Variants in XKR4 observed in about 807,000 individuals in gnomAD.
The protein encoded by XKR4 is XK related 4, also known as XK-related protein 4.
Under a neutral mutation model 53.9 loss-of-function variants are expected in XKR4, and 12 were observed. The observed-to-expected ratio is 0.22, with a 90% confidence interval of 0.14 to 0.36. The LOEUF is 0.36. Among genes scored for constraint, XKR4 ranks in the 10% least tolerant of loss-of-function variants. The pLI, the probability that XKR4 is intolerant of heterozygous loss-of-function variation, is 1.00. For missense variants in XKR4, 799 were observed against 859.5 expected, an observed-to-expected ratio of 0.93 and a Z score of 0.88; for synonymous variants, 354 against 362.4, an observed-to-expected ratio of 0.98 and a Z score of 0.26.
At chr8:55,476,099 A>C (rs1805980207) in intron 2 of XKR4, among the ~76,000 whole-genome samples, 1 of 152,016 alleles carries the variant, frequency 6.6e-6, no homozygotes, top group Non-Finnish European at 1.5e-5. Flanking sequence ...AAACATGCTG[A>C]TATCGGGATC....
intron 2 of XKR4, among the ~76,000 whole-genome samples, chr8:55,368,574 A>T (rs1221746609): frequency 3.3e-5 from 5 of 152,038 alleles, no homozygotes; most frequent in Non-Finnish European, 7.4e-5. Flanking sequence ...CCTAAAACAC[A>T]CAGCTCTCCC....
intron 1 of XKR4, among the ~76,000 whole-genome samples, chr8:55,112,576 T>TTTG (rs1228752483): frequency 1.4e-5 from 2 of 139,718 alleles, no homozygotes; most frequent in Non-Finnish European, 3.1e-5. Context: ...TTTTTTTTTT[T>TTTG]TTTTTTTTTT....
intron 2 of XKR4, among the ~76,000 whole-genome samples, chr8:55,438,834 AG>A (rs1805223007): frequency 6.6e-6 from 1 of 152,304 alleles, no homozygotes; most frequent in Non-Finnish European, 1.5e-5. Flanking sequence ...ACAACAGGAA[AG>A]CACTATCTGG....
At chr8:55,520,655 T>C (rs1204047154) in intron 2 of XKR4, among the ~76,000 whole-genome samples, 20 of 152,160 alleles carry the variant, frequency 1.3e-4, no homozygotes, top group Admixed American at 1.3e-3. Flanking sequence ...ATAAAGAGGG[T>C]ATCACAGGGA....
At chr8:55,206,052 G>T (rs763488430) in intron 1 of XKR4, among the ~76,000 whole-genome samples, 12 of 152,290 alleles carry the variant, frequency 7.9e-5, no homozygotes, top group Admixed American at 3.9e-4. Flanking sequence ...CGGTGGGTTC[G>T]TAGTCTCTCT....
chr8:55,428,254 A>G (rs1805046874), intron 2 of XKR4, among the ~76,000 whole-genome samples: 1 of 152,180 alleles, frequency 6.6e-6, no homozygotes, highest in South Asian at 2.1e-4. Context: ...TTGGCGCCCA[A>G]TGATCAACAT....
At chr8:55,454,412 C>A in intron 2 of XKR4, 2 of 1,317,936 alleles carry the variant, frequency 1.5e-6, no homozygotes, top group Non-Finnish European at 2.2e-6. Flanking sequence ...TGCCAGGAGG[C>A]TCCTGCAGGC....
chr8:55,121,818 G>C (rs1043693452), intron 1 of XKR4, among the ~76,000 whole-genome samples: 2 of 136,132 alleles, frequency 1.5e-5, no homozygotes, highest in African/African-American at 2.8e-5. Context: ...AAAAGGCACG[G>C]CACAAATACA....
intron 1 of XKR4, among the ~76,000 whole-genome samples, chr8:55,302,436 T>A (rs1403419743): frequency 9.9e-5 from 15 of 152,188 alleles, no homozygotes; most frequent in Non-Finnish European, 1.2e-4. Context: ...GCATGATGCC[T>A]CCAGCTTTGT....
At position 55,530,681 on chromosome 8, in the gene XKR4, CT is replaced by C. The variant is rs1806939259; in HGVS notation, c.*6456del. The stretch of plus-strand genomic sequence containing the variant: ...AGTGTATTAAAATACAAGTAACTAT[CT>C]TCCTACTTTGATTTAAGAGATCTTT... On this transcript the variant is annotated 3_prime_UTR_variant, in exon 3 of 3. Transcript: ENST00000327381. The C allele has an allele frequency of 6.6e-6, 1 of 152,160 alleles. No individual in the cohort carries two copies. The highest frequency in any genetic ancestry group is 2.4e-5 in the African/African-American group (1 of 41,448). 9.4% of individuals were successfully genotyped at this position (152,160 alleles called of 1,614,324 possible).
At chr8:55,240,960 C>A (rs1818202401) in intron 1 of XKR4, among the ~76,000 whole-genome samples, 1 of 152,180 alleles carries the variant, frequency 6.6e-6, no homozygotes, top group Admixed American at 6.5e-5. Context: ...CTACTTGGCC[C>A]TGTCTTATAA....
At chr8:55,104,338 A>G (rs928964440) in intron 1 of XKR4, among the ~76,000 whole-genome samples, 2 of 152,206 alleles carry the variant, frequency 1.3e-5, no homozygotes, top group Admixed American at 6.5e-5. Flanking sequence ...TGGTTTTAAA[A>G]TAACTTAGTA....
chr8:55,338,696 GGCT>G (rs1298672798), intron 1 of XKR4, among the ~76,000 whole-genome samples: 1 of 152,206 alleles, frequency 6.6e-6, no homozygotes. Flanking sequence ...TGAACTGGGA[GGCT>G]GGCCGCAATA....
rs552197448 is a variant in XKR4 at position 55,364,380 on chromosome 8, C to T, written c.1006+6503C>T. Among the ~76,000 whole-genome samples the T allele has an allele frequency of 1.4e-4, 22 of 152,298 alleles. No individual in the cohort carries two copies. In the East Asian group the frequency reaches 2.1e-3, roughly 15 times the overall value. On this transcript the variant is annotated intron_variant, in intron 2 of 2. Coordinates refer to ENST00000327381, the MANE Select transcript of XKR4 (RefSeq NM_052898.2). ...GATGCTCATCATCGCGAGACTCCTA[C>T]GGGATGAGCCCTCCTCTCCAGCTCT... is the stretch of plus-strand genomic sequence containing the variant.
chr8:55,348,021 C>G (rs893539480), intron 1 of XKR4, among the ~76,000 whole-genome samples: 5 of 152,178 alleles, frequency 3.3e-5, no homozygotes, highest in Non-Finnish European at 5.9e-5. Flanking sequence ...ACCTAGCCCC[C>G]AGCCTGGATT....
Position 55,524,204 on chromosome 8 carries a change from T to A in XKR4, c.1930T>A (p.Leu644Met), listed in dbSNP as rs1370729731. ...AGATGATGCCCTTATTCAGGAGCGG[T>A]TGGAGTACGAAACCACTTTATAAAG... ...YKDDALIQER[L>M]EYETTL The change falls in exon 3 of 3, where the codon TTG becomes ATG. Residue 644 changes from leucine to methionine, a missense_variant. By Grantham distance (15) the Leu-to-Met change is conservative (BLOSUM62 2). This residue lies in a region of XKR4 where 269 missense variants were observed against 264.4 expected (regional missense o/e 1.02). Transcript: ENST00000327381. The A allele has an allele frequency of 1.9e-6, 3 of 1,613,666 alleles. No homozygotes were observed. The highest frequency in any genetic ancestry group is 2.5e-6 in the Non-Finnish European group (3 of 1,179,784).
chr8:55,244,506 T>C (rs1302714859), intron 1 of XKR4, among the ~76,000 whole-genome samples: 1 of 152,224 alleles, frequency 6.6e-6, no homozygotes, highest in Non-Finnish European at 1.5e-5. Context: ...TTTGCTATTG[T>C]GAATAGTACT....
At chr8:55,175,509 G>T (rs1466642000) in intron 1 of XKR4, among the ~76,000 whole-genome samples, 5 of 152,138 alleles carry the variant, frequency 3.3e-5, no homozygotes. Flanking sequence ...AAATAATCAA[G>T]ATTTATGCTT....
At chr8:55,434,751 T>C (rs1438647873) in intron 2 of XKR4, among the ~76,000 whole-genome samples, 1 of 152,206 alleles carries the variant, frequency 6.6e-6, no homozygotes, top group Non-Finnish European at 1.5e-5. Context: ...TGTTTCGACT[T>C]TGCTGCTTTT....
Sources: gnomAD v4.1 joint callset for allele counts (sites outside exome capture counted in the v4.1 genomes callset) on GRCh38, gnomAD v4.1.1 for gene constraint, gnomAD v4.1.1 regional missense constraint, MANE v1.5 for transcripts, NCBI Gene and HGNC (gene_info 2026-07-23, HGNC 2026-07-21) for gene names.